NSD1: variants seen among roughly 807,000 people sequenced by gnomAD.
NSD1 encodes histone-lysine N-methyltransferase, H3 lysine-36 specific.
A neutral mutation model predicts 242.7 loss-of-function variants in NSD1; 26 were observed. The observed-to-expected ratio is 0.11, with a 90% CI of 0.08 to 0.15. The LOEUF is 0.15. Ranked by LOEUF, NSD1 falls within the 10% of genes least tolerant of loss-of-function variation. NSD1 has a pLI of 1.00. For missense variants in NSD1, 2,495 were observed against 3,272.8 expected, an observed-to-expected ratio of 0.76 and a Z score of 5.80; for synonymous variants, 1,106 against 1,178.1, an observed-to-expected ratio of 0.94 and a Z score of 1.25.
intron 8 of NSD1, among the ~76,000 whole-genome samples, chr5:177,242,077 GTGTGTGCA>G (rs771224762): frequency 1.1e-3 from 171 of 152,174 alleles, no homozygotes; most frequent in Non-Finnish European, 1.9e-3. Context: ...TGATTGTTGT[GTGTGTGCA>G]TGTGTGTGTG....
intron 2 of NSD1, among the ~76,000 whole-genome samples, chr5:177,138,679 G>T (rs761235928): frequency 7.4e-5 from 11 of 147,878 alleles, no homozygotes; most frequent in South Asian, 2.2e-4. Flanking sequence ...CACTCTTGTT[G>T]CCCAGGCTGG....
At position 177,257,231 on chromosome 5, in the gene NSD1, T is replaced by TC. The variant is rs199503898; in HGVS notation, c.4966+80_4966+81insC. Reference sequence around the variant, plus strand: ...ACAGATATTTTCTTTTTTCTTTCTTTTTTTTTTTTTTTTTTTGGAGACAGA... The same window carrying TC: ...ACAGATATTTTCTTTTTTCTTTCTTTCTTTTTTTTTTTTTTTTGGAGACAGA... On this transcript the variant is annotated intron_variant, in intron 13 of 22. Transcript: ENST00000439151. 2.3e-3 allele frequency: 1,658 copies of TC among 736,772 alleles called. 4 individuals carry two copies. Among genetic ancestry groups the TC allele is most frequent in the African/African-American group, 6.4e-3 (317 of 49,630 alleles). The allele number at this position is 736,772 out of a possible 1,614,324, so 45.6% of individuals were successfully genotyped here.
chr5:177,159,307 C>A (rs2149787311), intron 2 of NSD1, among the ~76,000 whole-genome samples: 1 of 150,536 alleles, frequency 6.6e-6, no homozygotes, highest in African/African-American at 2.4e-5. Flanking sequence ...GTTTTTGAGA[C>A]ACAGTCTCAC....
intron 2 of NSD1, among the ~76,000 whole-genome samples, chr5:177,159,690 C>T (rs764599295): frequency 6.6e-6 from 1 of 150,614 alleles, no homozygotes; most frequent in Non-Finnish European, 1.5e-5. Flanking sequence ...CCGCCTCCCA[C>T]GTTCAAGCAA....
At chr5:177,194,667 C>G (rs1164957834) in intron 3 of NSD1, among the ~76,000 whole-genome samples, 2 of 144,102 alleles carry the variant, frequency 1.4e-5, no homozygotes, top group East Asian at 4.0e-4. Flanking sequence ...TAATGAGGTG[C>G]CCAAAAACCT....
intron 5 of NSD1, among the ~76,000 whole-genome samples, chr5:177,231,757 C>T (rs1765075730): frequency 6.6e-6 from 1 of 151,972 alleles, no homozygotes; most frequent in Non-Finnish European, 1.5e-5. Context: ...CCCAAAATTC[C>T]ATTTTTAATC....
At chr5:177,153,051 GCTTTT>G (rs1184688090) in intron 2 of NSD1, among the ~76,000 whole-genome samples, 1 of 152,018 alleles carries the variant, frequency 6.6e-6, no homozygotes, top group East Asian at 1.9e-4. Context: ...TACGTAAAGT[GCTTTT>G]CTAACAGAGC....
chr5:177,277,128 A>ATTT (rs201507053), intron 17 of NSD1, among the ~76,000 whole-genome samples: 1 of 137,872 alleles, frequency 7.3e-6, no homozygotes. Flanking sequence ...TCTTTACTCC[A>ATTT]TTTTTTTTTT....
At chr5:177,292,288 ATTTTC>A (rs1379825068) in intron 22 of NSD1, 130 bp downstream of exon 22, 4 of 876,718 alleles carry the variant, frequency 4.6e-6, no homozygotes, top group Non-Finnish European at 7.4e-6. Context: ...GGTATGGTCT[ATTTTC>A]TTATTTTGGA....
Position 177,209,862 on chromosome 5 carries a change from A to C in NSD1, c.1463A>C (p.Asp488Ala), listed in dbSNP as rs1763190948. The change falls in exon 5 of 23, where the codon GAT becomes GCT. Residue 488 changes from aspartate to alanine, a missense_variant. By Grantham distance (126) the Asp-to-Ala change is moderately radical. Coordinates refer to ENST00000439151, the MANE Select transcript of NSD1 (RefSeq NM_022455.5). ...SLAFDSEHSA[D>A]EKEKPCAKSR... Reference sequence around the variant, plus strand: ...GCTTTTGATTCTGAACATTCTGCAGATGAGAAGGAAAAGCCTTGCGCTAAA... The same window carrying C: ...GCTTTTGATTCTGAACATTCTGCAGCTGAGAAGGAAAAGCCTTGCGCTAAA... 6.2e-7 allele frequency: 1 copy of C among 1,614,068 alleles called. No individual in the cohort carries two copies. The highest frequency in any genetic ancestry group is 1.3e-5 in the African/African-American group (1 of 74,926).
intron 20 of NSD1, among the ~76,000 whole-genome samples, chr5:177,284,201 T>C (rs1299045622): frequency 1.3e-5 from 2 of 152,236 alleles, no homozygotes; most frequent in East Asian, 3.8e-4. Context: ...TTTCTGTCTC[T>C]GAATTTGACT....
At chr5:177,174,764 T>C (rs1356379243) in intron 2 of NSD1, among the ~76,000 whole-genome samples, 1 of 150,960 alleles carries the variant, frequency 6.6e-6, no homozygotes, top group African/African-American at 2.4e-5. Context: ...AGTTTCACCA[T>C]GTTGGCCAGG....
intron 11 of NSD1, among the ~76,000 whole-genome samples, chr5:177,250,585 A>G (rs947427699): frequency 2.7e-5 from 4 of 149,586 alleles, no homozygotes; most frequent in Non-Finnish European, 4.4e-5. Flanking sequence ...TTTACCATAT[A>G]TAGAAACGTT....
intron 18 of NSD1, among the ~76,000 whole-genome samples, chr5:177,281,722 C>T (rs572753576): frequency 5.9e-5 from 9 of 152,230 alleles, no homozygotes; most frequent in South Asian, 2.1e-4. Flanking sequence ...GTGCCATCTC[C>T]GCTCACTGCA....
chr5:177,144,810 G>C (rs561292658), intron 2 of NSD1, among the ~76,000 whole-genome samples: 1 of 151,986 alleles, frequency 6.6e-6, no homozygotes, highest in Admixed American at 6.6e-5. Flanking sequence ...GGCCGGGCGC[G>C]GTGGTTCACA....
intron 14 of NSD1, chr5:177,265,314 A>G: frequency 3.1e-6 from 2 of 637,988 alleles, no homozygotes; most frequent in East Asian, 5.4e-5. Flanking sequence ...GGAATAAATT[A>G]TATATAAAGT....
intron 11 of NSD1, among the ~76,000 whole-genome samples, chr5:177,249,350 T>C (rs10056655): frequency 0.77 from 116,610 of 151,938 alleles, 46,084 homozygotes; most frequent in Middle Eastern, 0.9. Flanking sequence ...TAGCCAGCTG[T>C]AGTGGCTCAT....
chr5:177,239,936 G>A (rs1275412836), intron 8 of NSD1, 71 bp downstream of exon 8: 2 of 944,972 alleles, frequency 2.1e-6, no homozygotes, highest in Non-Finnish European at 3.4e-6. Flanking sequence ...GACATTTTGA[G>A]TAGCAGTTAT....
chr5:177,268,756 T>C (rs1376554959), intron 15 of NSD1, among the ~76,000 whole-genome samples: 1 of 152,208 alleles, frequency 6.6e-6, no homozygotes, highest in African/African-American at 2.4e-5. Context: ...AAAGGAATTA[T>C]TGTTGATACA....
Sources: allele counts gnomAD v4.1 joint callset (sites outside exome capture counted in the v4.1 genomes callset), GRCh38; gene constraint gnomAD v4.1.1; transcripts MANE v1.5; gene names NCBI Gene and HGNC (gene_info 2026-07-23, HGNC 2026-07-21).